ADGRL2: variants seen among roughly 807,000 people sequenced by gnomAD.
The protein encoded by ADGRL2 is calcium-independent alpha-latrotoxin receptor 2.
ADGRL2 carries 44 observed loss-of-function variants against 157.4 expected under a neutral mutation model. The observed-to-expected ratio is 0.28, with a 90% CI of 0.22 to 0.36. The LOEUF is 0.36. Ranked by LOEUF, ADGRL2 falls within the 10% of genes least tolerant of loss-of-function variation. The pLI is 1.00. For synonymous variants in ADGRL2, 585 were observed against 624.7 expected (o/e 0.94, Z 0.95); for missense variants, 1,510 against 1,768.9 (o/e 0.85, Z 2.63).
chr1:81,533,191 C>T (rs1476988209), intron 2 of ADGRL2, among the ~76,000 whole-genome samples: 1 of 151,948 alleles, frequency 6.6e-6, no homozygotes, highest in African/African-American at 2.4e-5. Context: ...CCAGCCTGGC[C>T]AATATGGTGA....
At chr1:81,438,060 T>C (rs532936385) in intron 1 of ADGRL2, among the ~76,000 whole-genome samples, 5 of 150,004 alleles carry the variant, frequency 3.3e-5, no homozygotes, top group South Asian at 4.2e-4. Context: ...AAAAGCTGTA[T>C]CCATTCCTTC....
chr1:81,979,992 G>A (rs756926561), intron 18 of ADGRL2, 32 bp downstream of exon 18: 1 of 1,163,916 alleles, frequency 8.6e-7, no homozygotes, highest in South Asian at 1.2e-5. Context: ...TTTAATACTT[G>A]ACAAACTAAG....
At chr1:81,447,217 A>T (rs1036317541) in intron 2 of ADGRL2, among the ~76,000 whole-genome samples, 1 of 152,070 alleles carries the variant, frequency 6.6e-6, no homozygotes, top group Non-Finnish European at 1.5e-5. Context: ...ACTTACGTGA[A>T]TTTTTTTCTT....
intron 1 of ADGRL2, among the ~76,000 whole-genome samples, chr1:81,365,184 T>C (rs569893226): frequency 6.6e-6 from 1 of 152,288 alleles, no homozygotes; most frequent in African/African-American, 2.4e-5. Context: ...AGTCAATTTC[T>C]GTCATGTCAG....
chr1:81,931,977 T>A (rs1314937677), intron 3 of ADGRL2, among the ~76,000 whole-genome samples: 6 of 152,186 alleles, frequency 3.9e-5, no homozygotes. Context: ...GGCCTACTTA[T>A]GCCTCTGAGT....
intron 2 of ADGRL2, among the ~76,000 whole-genome samples, chr1:81,894,831 A>C (rs1188061958): frequency 6.6e-6 from 1 of 152,164 alleles, no homozygotes; most frequent in East Asian, 1.9e-4. Context: ...AAAAGGCTTA[A>C]TTTACAGCCT....
intron 1 of ADGRL2, among the ~76,000 whole-genome samples, chr1:81,408,442 G>C (rs562495207): frequency 6.6e-6 from 1 of 152,096 alleles, no homozygotes; most frequent in Non-Finnish European, 1.5e-5. Context: ...TTTTGTGTCT[G>C]AGGAAAATAC....
chr1:81,637,659 G>A (rs986244083), intron 3 of ADGRL2, among the ~76,000 whole-genome samples: 6 of 152,066 alleles, frequency 3.9e-5, no homozygotes, highest in African/African-American at 1.5e-4. Context: ...TATATTCTTA[G>A]AAATAATTAT....
chr1:81,862,649 T>TC (rs1226438589), intron 2 of ADGRL2, among the ~76,000 whole-genome samples: 1 of 152,186 alleles, frequency 6.6e-6, no homozygotes, highest in African/African-American at 2.4e-5. Flanking sequence ...AGCCATTTTT[T>TC]TGTTGCTGGA....
In ADGRL2 at chr1:81,437,701, A is replaced by G. The variant is rs138475480; in HGVS notation, c.-301-7335A>G. ...TGATTGTCCCTTCTGAGGCCACAGT[A>G]AAACTCAAGTAACACTGCCAAAGTC... On this transcript the variant is annotated intron_variant, in intron 1 of 24. Transcript: ENST00000370721. 3.8e-3 allele frequency among the ~76,000 whole-genome samples: 576 copies of G among 152,336 alleles called. 2 individuals carry two copies. Among genetic ancestry groups the G allele is most frequent in the African/African-American group, 0.013 (552 of 41,568 alleles).
chr1:81,532,657 G>A (rs2079630163), intron 2 of ADGRL2, among the ~76,000 whole-genome samples: 1 of 150,812 alleles, frequency 6.6e-6, no homozygotes, highest in African/African-American at 2.4e-5. Flanking sequence ...GCTCATGTCT[G>A]TAATCCCAGC....
intron 2 of ADGRL2, among the ~76,000 whole-genome samples, chr1:81,901,781 G>A (rs1160588228): frequency 6.6e-6 from 1 of 152,120 alleles, no homozygotes; most frequent in Non-Finnish European, 1.5e-5. Context: ...CTTTAAAGTA[G>A]CATTGTTGGT....
chr1:81,869,481 C>T (rs559424824), intron 2 of ADGRL2, among the ~76,000 whole-genome samples: 1 of 152,098 alleles, frequency 6.6e-6, no homozygotes, highest in South Asian at 2.1e-4. Flanking sequence ...TTAATATTGG[C>T]CACCTGTTAG....
At chr1:81,555,746 T>C (rs780793993) in intron 2 of ADGRL2, among the ~76,000 whole-genome samples, 18 of 152,160 alleles carry the variant, frequency 1.2e-4, no homozygotes, top group Non-Finnish European at 2.5e-4. Context: ...CCCAGTCTCT[T>C]GGAATCAAAT....
At position 81,937,719 on chromosome 1, in the gene ADGRL2, A is replaced by G. The variant is rs540480440; in HGVS notation, c.397+882A>G. 1.9e-4 allele frequency among the ~76,000 whole-genome samples: 29 copies of G among 151,940 alleles called. No individual in the cohort carries two copies. The East Asian group carries it at 5.6e-3, about 29-fold the overall frequency. On this transcript the variant is annotated intron_variant, in intron 4 of 23. Coordinates refer to ENST00000686636, the MANE Select transcript of ADGRL2 (RefSeq NM_001366006.2). ...GCGTTTGAATTATATGTTTTTTATC[A>G]GCAATTTTGCTGATTTGAGACAGTT...
chr1:81,405,641 A>AT (rs1468607550), intron 1 of ADGRL2, among the ~76,000 whole-genome samples: 1 of 151,636 alleles, frequency 6.6e-6, no homozygotes, highest in Non-Finnish European at 1.5e-5. Flanking sequence ...CAAAAAAAAA[A>AT]AAAAGGAAAT....
At chr1:81,689,938 C>G (rs1486202001) in intron 3 of ADGRL2, among the ~76,000 whole-genome samples, 4 of 152,162 alleles carry the variant, frequency 2.6e-5, no homozygotes, top group Admixed American at 2.6e-4. Flanking sequence ...TGAGATCTCT[C>G]TCTCCCAATC....
At chr1:81,594,892 A>G (rs1246937089) in intron 3 of ADGRL2, among the ~76,000 whole-genome samples, 1 of 152,238 alleles carries the variant, frequency 6.6e-6, no homozygotes, top group Non-Finnish European at 1.5e-5. Flanking sequence ...ATATAATAGA[A>G]TAAGTCACAA....
intron 1 of ADGRL2, among the ~76,000 whole-genome samples, chr1:81,413,154 C>G (rs1223555965): frequency 6.6e-6 from 1 of 152,110 alleles, no homozygotes; most frequent in Admixed American, 6.6e-5. Context: ...GCCCTCCACC[C>G]ACCTCAGCCG....
Sources: allele counts gnomAD v4.1 joint callset (sites outside exome capture counted in the v4.1 genomes callset), GRCh38; gene constraint gnomAD v4.1.1; transcripts MANE v1.5; gene names NCBI Gene and HGNC (gene_info 2026-07-23, HGNC 2026-07-21).